The following STARD3 variants were observed in gnomAD, a reference collection of about 807,000 sequenced individuals.
STARD3 encodes the protein stAR-related lipid transfer protein 3.
STARD3 carries 39 observed loss-of-function variants against 62.0 expected under a neutral mutation model. The observed-to-expected ratio is 0.63, with a 90% CI of 0.49 to 0.82. The LOEUF (loss-of-function observed/expected upper bound fraction) is 0.82, where lower values mean the gene tolerates loss of function less well. Ranked by LOEUF, STARD3 falls within the 40% of genes least tolerant of loss-of-function variation. The pLI is 0.00. For synonymous variants in STARD3, 229 were observed against 242.4 expected, an observed-to-expected ratio of 0.94 and a Z score of 0.51; for missense variants, 543 against 584.5, an observed-to-expected ratio of 0.93 and a Z score of 0.73.
At chr17:39,648,140 C>G (rs915052248) in intron 1 of STARD3, among the ~76,000 whole-genome samples, 1 of 152,016 alleles carries the variant, frequency 6.6e-6, no homozygotes, top group Non-Finnish European at 1.5e-5. Context: ...AAAAAATTAG[C>G]CAGGCGTGGT....
intron 1 of STARD3, among the ~76,000 whole-genome samples, chr17:39,649,116 G>A (rs1597791768): frequency 6.6e-6 from 1 of 152,204 alleles, no homozygotes; most frequent in East Asian, 1.9e-4. Context: ...GATAGATTGA[G>A]AGGAAGACCC....
At position 39,663,142 on chromosome 17, in the gene STARD3, G is replaced by T. The variant is rs573434877; in HGVS notation, c.*234G>T. On this transcript the variant is annotated 3_prime_UTR_variant, in exon 15 of 15. Coordinates refer to ENST00000336308, the MANE Select transcript of STARD3 (RefSeq NM_006804.4). ...GGTCTGGCCTGTTGATGTTTACATG[G>T]CGCCCTGCCTCCTGGAGGACCAGAT... The T allele has an allele frequency of 4.5e-4, 209 of 466,156 alleles. 1 individual carries two copies. In the Admixed American group the frequency reaches 8.6e-3, roughly 19 times the overall value. The allele number at this position is 466,156 out of a possible 1,614,324, so 28.9% of individuals were successfully genotyped here.
In STARD3 at chr17:39,658,771, C is replaced by T. The variant is rs142935105; in HGVS notation, c.597C>T (p.Ser199=). ...TTGCCCGTGGACCCCTGCTGTTCTC[C>T]GGTGCTCTGTCCGAGGGACAGTTCT... ...VAVARGPLLF[S]GALSEGQFYS... Residue 199 remains serine, a synonymous_variant, in exon 7 of 15, where the codon TCC becomes TCT. Transcript: ENST00000336308. 8,131 of 1,614,032 alleles carry T rather than the reference C, an allele frequency of 5.0e-3. 57 individuals carry two copies. The highest frequency in any genetic ancestry group is 0.026 in the Middle Eastern group (155 of 6,062).
chr17:39,641,489 C>G (rs2056982752), intron 1 of STARD3, among the ~76,000 whole-genome samples: 1 of 152,082 alleles, frequency 6.6e-6, no homozygotes, highest in Non-Finnish European at 1.5e-5. Context: ...GGGTCAGCCC[C>G]CTGAAGCCAG....
chr17:39,653,841 C>G, intron 2 of STARD3, 91 bp downstream of exon 2: 2 of 1,476,338 alleles, frequency 1.4e-6, no homozygotes, highest in Admixed American at 1.8e-5. Flanking sequence ...CTGCCTCTCC[C>G]CTGGGGTTGG....
intron 1 of STARD3, among the ~76,000 whole-genome samples, chr17:39,638,298 CA>C (rs1445113644): frequency 6.6e-6 from 1 of 152,230 alleles, no homozygotes; most frequent in Admixed American, 6.5e-5. Flanking sequence ...CCTTTTAGAA[CA>C]CAAGTCTTAC....
intron 1 of STARD3, among the ~76,000 whole-genome samples, chr17:39,639,605 A>G (rs1464718705): frequency 6.6e-6 from 1 of 152,186 alleles, no homozygotes; most frequent in African/African-American, 2.4e-5. Context: ...GGAGCTGAGG[A>G]AGACAGAGGC....
Position 39,658,817 on chromosome 17 carries a change from GC to G in STARD3, c.644del (p.Ala215GlufsTer71). 6.2e-7 allele frequency: 1 copy of G among 1,613,902 alleles called. No homozygotes were observed. The highest frequency in any genetic ancestry group is 8.5e-7 in the Non-Finnish European group (1 of 1,179,954). On this transcript the variant is annotated frameshift_variant and splice_region_variant, in exon 7 of 15. Transcript: ENST00000336308. LOFTEE classifies it high-confidence loss of function. ...GTTCTATTCACCCCCAGAATCCTTT[GC>G]AGGTGAGGGCTGGTGTGTGGGGGAA... Reference protein sequence around the residue: ...GQFYSPPESFAGSDNESDEEV... With the variant: ...GQFYSPPESFXGSDNESDEEV...
At chr17:39,662,662 G>A (rs1028528490) in intron 14 of STARD3, 142 bp from the exon 15 acceptor site, 2 of 762,726 alleles carry the variant, frequency 2.6e-6, no homozygotes, top group Non-Finnish European at 2.1e-6. Context: ...CCTGCCAGGG[G>A]TGAGTGGGAG....
At chr17:39,659,643 C>T in intron 9 of STARD3, 90 bp downstream of exon 9, 1 of 1,408,328 alleles carries the variant, frequency 7.1e-7, no homozygotes, top group Non-Finnish European at 9.9e-7. Context: ...CCAAAGATTA[C>T]ATGGGTTGGA....
At chr17:39,662,054 T>G (rs1444617822) in intron 13 of STARD3, among the ~76,000 whole-genome samples, 197 bp from the exon 14 acceptor site, 1 of 150,830 alleles carries the variant, frequency 6.6e-6, no homozygotes, top group Non-Finnish European at 1.5e-5. Context: ...CATCACAGAG[T>G]GGGTGGGGGT....
At chr17:39,654,743 T>G (rs1489055198) in intron 2 of STARD3, among the ~76,000 whole-genome samples, 1 of 152,242 alleles carries the variant, frequency 6.6e-6, no homozygotes, top group Non-Finnish European at 1.5e-5. Flanking sequence ...CAGCATGGGC[T>G]CCCCATCAGA....
intron 1 of STARD3, among the ~76,000 whole-genome samples, chr17:39,647,370 G>A (rs1230516021): frequency 6.6e-6 from 1 of 152,174 alleles, no homozygotes; most frequent in African/African-American, 2.4e-5. Context: ...GAAGGTGCTT[G>A]GGAGAGGCCA....
chr17:39,644,239 G>A (rs2057005083), intron 1 of STARD3, among the ~76,000 whole-genome samples: 1 of 152,148 alleles, frequency 6.6e-6, no homozygotes, highest in Non-Finnish European at 1.5e-5. Context: ...CCCTCCCCCT[G>A]AATCCCAGGG....
At position 39,658,756 on chromosome 17, in the gene STARD3, A is replaced by T. The variant is rs763711500; in HGVS notation, c.582A>T (p.Gly194=). The change falls in exon 7 of 15, where the codon GGA becomes GGT. Residue 194 remains glycine, a synonymous_variant. Coordinates refer to ENST00000336308, the MANE Select transcript of STARD3 (RefSeq NM_006804.4). ...YLAAQVAVAR[G]PLLFSGALSE... ...CCGCCCAGGTTGCTGTTGCCCGTGGACCCCTGCTGTTCTCCGGTGCTCTGT... is the reference window on the plus strand; with the variant it reads ...CCGCCCAGGTTGCTGTTGCCCGTGGTCCCCTGCTGTTCTCCGGTGCTCTGT... 5 of 1,613,438 alleles carry T rather than the reference A, an allele frequency of 3.1e-6. No individual in the cohort carries two copies.
intron 2 of STARD3, 32 bp from the exon 3 acceptor site, chr17:39,656,976 C>T (rs1323165637): frequency 6.2e-7 from 1 of 1,611,946 alleles, no homozygotes; most frequent in Non-Finnish European, 8.5e-7. Flanking sequence ...CTTGCTTCTA[C>T]CTGCAGAGCT....
chr17:39,641,575 G>A (rs2056983404), intron 1 of STARD3, among the ~76,000 whole-genome samples: 1 of 152,212 alleles, frequency 6.6e-6, no homozygotes, highest in South Asian at 2.1e-4. Flanking sequence ...TGCCTGGCCA[G>A]GGTCCTGCCT....
intron 1 of STARD3, among the ~76,000 whole-genome samples, chr17:39,639,930 A>G (rs990548086): frequency 6.6e-6 from 1 of 152,234 alleles, no homozygotes; most frequent in African/African-American, 2.4e-5. Flanking sequence ...AGCCTGGGTC[A>G]GATGATCCCT....
At chr17:39,645,221 A>G (rs1027615374) in intron 1 of STARD3, among the ~76,000 whole-genome samples, 75 of 152,184 alleles carry the variant, frequency 4.9e-4, no homozygotes, top group Non-Finnish European at 1.0e-3. Flanking sequence ...GCCAGGAGCC[A>G]GGACAGTCCT....
Sources: allele counts gnomAD v4.1 joint callset (sites outside exome capture counted in the v4.1 genomes callset), GRCh38; gene constraint gnomAD v4.1.1; transcripts MANE v1.5; gene names NCBI Gene and HGNC (gene_info 2026-07-23, HGNC 2026-07-21).